CACNA2D3: variants seen among roughly 807,000 people sequenced by gnomAD.
CACNA2D3 encodes the protein calcium voltage-gated channel auxiliary subunit alpha2delta 3.
CACNA2D3 carries 60 observed loss-of-function variants against 160.6 expected under a neutral mutation model. The ratio of observed to expected loss-of-function variants is 0.37; its 90% CI spans 0.30 to 0.46. The LOEUF is 0.46. CACNA2D3 is among the 20% of genes least tolerant of loss of function. The probability of loss-of-function intolerance (pLI) is 1.00; values close to 1 mark genes in which losing one functional copy is unlikely to be tolerated. For missense variants in CACNA2D3, 1,205 were observed against 1,365.0 expected (o/e 0.88, Z 1.85); for synonymous variants, 558 against 492.9 (o/e 1.13, Z -1.75).
At chr3:54,745,662 A>G (rs969709761) in intron 11 of CACNA2D3, among the ~76,000 whole-genome samples, 1 of 152,180 alleles carries the variant, frequency 6.6e-6, no homozygotes, top group Admixed American at 6.5e-5. Flanking sequence ...AGCTGTATGT[A>G]ATCTCGTGTT....
At chr3:54,889,830 T>C (rs1034609290) in intron 24 of CACNA2D3, among the ~76,000 whole-genome samples, 1 of 152,212 alleles carries the variant, frequency 6.6e-6, no homozygotes, top group Non-Finnish European at 1.5e-5. Context: ...GTAAACCTTG[T>C]AGTGTTTCTT....
chr3:54,285,046 C>T (rs201859662), intron 2 of CACNA2D3, among the ~76,000 whole-genome samples: 91 of 152,248 alleles, frequency 6.0e-4, no homozygotes, highest in East Asian at 5.4e-3. Flanking sequence ...TCTGAGGTAC[C>T]GGGTTCATCT....
At chr3:54,794,988 G>A (rs1702838898) in intron 13 of CACNA2D3, among the ~76,000 whole-genome samples, 1 of 151,814 alleles carries the variant, frequency 6.6e-6, no homozygotes, top group Non-Finnish European at 1.5e-5. Context: ...TATTTTATTT[G>A]TTCTGCACTG....
chr3:54,161,262 C>G (rs1700339177), intron 2 of CACNA2D3, among the ~76,000 whole-genome samples: 1 of 152,184 alleles, frequency 6.6e-6, no homozygotes, highest in Non-Finnish European at 1.5e-5. Context: ...ACTGAACTCC[C>G]CCTTCACCAG....
At chr3:54,321,172 T>G (rs1012286283) in intron 3 of CACNA2D3, among the ~76,000 whole-genome samples, 2 of 151,946 alleles carry the variant, frequency 1.3e-5, no homozygotes, top group African/African-American at 4.8e-5. Context: ...ATATAAAAAT[T>G]AGCCGGGTGT....
At chr3:54,730,761 C>T (rs1701369170) in intron 11 of CACNA2D3, among the ~76,000 whole-genome samples, 3 of 152,154 alleles carry the variant, frequency 2.0e-5, no homozygotes, top group African/African-American at 7.2e-5. Flanking sequence ...CCTTGGCCTC[C>T]CCAAGTGCTG....
intron 11 of CACNA2D3, among the ~76,000 whole-genome samples, chr3:54,659,863 T>C (rs567699967): frequency 4.3e-4 from 65 of 152,322 alleles, no homozygotes; most frequent in African/African-American, 1.4e-3. Flanking sequence ...GGCACAGTGC[T>C]AGATGCCTAG....
chr3:54,618,072 G>C (rs1218823970), intron 9 of CACNA2D3, among the ~76,000 whole-genome samples: 1 of 151,504 alleles, frequency 6.6e-6, no homozygotes, highest in East Asian at 1.9e-4. Context: ...ATAAGATCTA[G>C]TGTTTACTGA....
chr3:54,790,508 GT>G (rs1171141748), intron 13 of CACNA2D3, among the ~76,000 whole-genome samples: 3 of 152,264 alleles, frequency 2.0e-5, no homozygotes, highest in Admixed American at 1.3e-4. Context: ...GCATGCATGT[GT>G]CATCTAAAGG....
At chr3:55,018,179 C>T in intron 34 of CACNA2D3, 27 bp from the exon 35 acceptor site, 1 of 1,473,748 alleles carries the variant, frequency 6.8e-7, no homozygotes, top group Middle Eastern at 1.7e-4. Context: ...GCATTCTTTA[C>T]CTTTTTTTTT....
chr3:54,504,468 G>T (rs1701338570), intron 5 of CACNA2D3, among the ~76,000 whole-genome samples: 1 of 152,128 alleles, frequency 6.6e-6, no homozygotes, highest in Non-Finnish European at 1.5e-5. Flanking sequence ...CCTCCTGGGG[G>T]TGGTTTTGAG....
chr3:54,762,175 G>A (rs988084386), intron 12 of CACNA2D3, among the ~76,000 whole-genome samples: 6 of 152,118 alleles, frequency 3.9e-5, no homozygotes, highest in Admixed American at 2.0e-4. Flanking sequence ...CCCAAGTTCT[G>A]TGTGACAGTC....
rs539884671 is a variant in CACNA2D3 at position 54,541,884 on chromosome 3, G to C, written c.545-20916G>C. ...ATAGCAGTGGCAATGTTGTGGTTTTGATTCTTGGCTGTGGTTAAGTAAGAG... is the reference window on the plus strand; with the variant it reads ...ATAGCAGTGGCAATGTTGTGGTTTTCATTCTTGGCTGTGGTTAAGTAAGAG... On this transcript the variant is annotated intron_variant, in intron 5 of 37. Transcript: ENST00000474759. Among the ~76,000 whole-genome samples the C allele has an allele frequency of 2.0e-5, 3 of 151,598 alleles. No homozygotes were observed. The East Asian group carries it at 5.8e-4, about 29-fold the overall frequency.
intron 27 of CACNA2D3, among the ~76,000 whole-genome samples, chr3:54,923,607 T>C (rs1267241066): frequency 1.3e-5 from 2 of 152,228 alleles, no homozygotes; most frequent in Non-Finnish European, 2.9e-5. Context: ...ATCTCTGTGA[T>C]GGTTAGGCAC....
At chr3:54,563,048 A>T in intron 6 of CACNA2D3, 117 bp downstream of exon 6, 1 of 980,990 alleles carries the variant, frequency 1.0e-6, no homozygotes, top group Non-Finnish European at 1.5e-6. Flanking sequence ...AAAATGAAAG[A>T]TGAATTCCAA....
At chr3:54,469,903 A>G (rs1455722156) in intron 4 of CACNA2D3, among the ~76,000 whole-genome samples, 2 of 152,052 alleles carry the variant, frequency 1.3e-5, no homozygotes, top group East Asian at 3.9e-4. Context: ...AAAGAAGGCA[A>G]AAAGCCTCCA....
intron 4 of CACNA2D3, among the ~76,000 whole-genome samples, chr3:54,422,126 T>A (rs1011579025): frequency 3.9e-5 from 6 of 152,256 alleles, no homozygotes; most frequent in Middle Eastern, 3.2e-3. Context: ...AAACGAGCCC[T>A]GCTTTTGTAA....
At chr3:54,851,182 G>A (rs1455670128) in intron 17 of CACNA2D3, among the ~76,000 whole-genome samples, 2 of 152,196 alleles carry the variant, frequency 1.3e-5, no homozygotes, top group East Asian at 3.9e-4. Flanking sequence ...TGTTTCACAT[G>A]TGTTAATGCT....
intron 21 of CACNA2D3, among the ~76,000 whole-genome samples, chr3:54,881,363 GA>G (rs1699791902): frequency 6.6e-6 from 1 of 152,198 alleles, no homozygotes; most frequent in Non-Finnish European, 1.5e-5. Context: ...GGCCCAAAGG[GA>G]AATGTGACCA....
Sources: gnomAD v4.1 joint callset for allele counts (sites outside exome capture counted in the v4.1 genomes callset) on GRCh38, gnomAD v4.1.1 for gene constraint, MANE v1.5 for transcripts, NCBI Gene and HGNC (gene_info 2026-07-23, HGNC 2026-07-21) for gene names.